Variants in AHNAK observed in about 807,000 individuals in gnomAD.
AHNAK encodes the protein AHNAK nucleoprotein.
A neutral mutation model predicts 37.8 loss-of-function variants in AHNAK; 23 were observed. The observed-to-expected ratio is 0.61, with a 90% CI of 0.44 to 0.86. The LOEUF is 0.86. AHNAK is among the 40% of genes least tolerant of loss of function. The probability of loss-of-function intolerance (pLI) is 0.00; values close to 1 mark genes in which losing one functional copy is unlikely to be tolerated. For synonymous variants in AHNAK, 2,481 were observed against 2,636.3 expected (o/e 0.94, Z 1.80); for missense variants, 7,411 against 7,319.4 (o/e 1.01, Z -0.46).
intron 5 of AHNAK, chr11:62,433,929 C>G (rs756965451): frequency 1.2e-6 from 2 of 1,605,072 alleles, no homozygotes; most frequent in East Asian, 2.2e-5. Flanking sequence ...ATTCAACACA[C>G]TATTTGCATC....
At position 62,540,495 on chromosome 11, in the gene AHNAK, C is replaced by T. The variant is rs115246150; in HGVS notation, c.-99-3928G>A. 2.7e-3 allele frequency among the ~76,000 whole-genome samples: 418 copies of T among 152,236 alleles called. 1 individual carries two copies. Among genetic ancestry groups the T allele is most frequent in the African/African-American group, 9.6e-3 (398 of 41,530 alleles). On this transcript the variant is annotated intron_variant, in intron 1 of 4. Transcript: ENST00000378024. ...GCACACAGCCCGGTGGTCCACCCAA[C>T]AGCCTCCCTCGTGATAGCAAGAAGC...
chr11:62,527,068 G>C lies in AHNAK; in HGVS notation c.7349C>G (p.Ala2450Gly). 6.2e-7 allele frequency: 1 copy of C among 1,614,094 alleles called. No individual in the cohort carries two copies. The highest frequency in any genetic ancestry group is 1.1e-5 in the South Asian group (1 of 91,072). ...KFKMPDMHFK[A>G]PNISMPDVDL... ...AACATCAGGCATAGAAATATTGGGGGCTTTGAAATGCATATCAGGCATCTT... is the reference window on the plus strand; with the variant it reads ...AACATCAGGCATAGAAATATTGGGGCCTTTGAAATGCATATCAGGCATCTT... The change falls in exon 5 of 5, where the codon GCC becomes GGC. Residue 2450 changes from alanine (A) to glycine (G), a missense_variant. Ala to Gly is a moderately conservative substitution (Grantham distance 60). Coordinates refer to ENST00000378024, the MANE Select transcript of AHNAK (RefSeq NM_001620.3).
Position 62,523,992 on chromosome 11 carries a change from G to A in AHNAK, c.10425C>T (p.Pro3475=). ...VHGPDWNLKM[P]KMKMPKFSVS... ...CACTGAATTTGGGCATTTTCATCTT[G>A]GGCATTTTCAGATTCCAGTCTGGAC... The change falls in exon 5 of 5, where the codon CCC becomes CCT. Residue 3475 remains proline, a synonymous_variant. Transcript: ENST00000378024. 1 of 1,613,948 alleles carries A rather than the reference G, an allele frequency of 6.2e-7. No homozygotes were observed. Among genetic ancestry groups the A allele is most frequent in the Middle Eastern group, 1.7e-4 (1 of 6,060 alleles).
At position 62,532,701 on chromosome 11, in the gene AHNAK, T is replaced by C; in HGVS notation, c.1716A>G (p.Ser572=). The C allele has an allele frequency of 6.2e-7, 1 of 1,614,022 alleles. No individual in the cohort carries two copies. Among genetic ancestry groups the C allele is most frequent in the East Asian group, 2.2e-5 (1 of 44,878 alleles). Residue 572 remains serine, a synonymous_variant, in exon 5 of 5, where the codon TCA becomes TCG. Transcript: ENST00000378024. ...GKTGTCRISM[S]EVDLNVAAPK... The stretch of plus-strand genomic sequence containing the variant: ...GTGCGGCCACATTTAAGTCTACTTC[T>C]GACATAGAGATCCTACAGGTTCCGG...
Position 62,526,416 on chromosome 11 carries a change from A to G in AHNAK, c.8001T>C (p.Ile2667=). The G allele has an allele frequency of 2.5e-6, 4 of 1,610,070 alleles. No homozygotes were observed. The highest frequency in any genetic ancestry group is 2.5e-6 in the Non-Finnish European group (3 of 1,179,062). The stretch of plus-strand genomic sequence containing the variant: ...TGTCCACTTTGGGTCCTGAGACATC[A>G]ATGTCAGCCTTGGGCAGCTTCACAT... ...DGDVKLPKAD[I]DVSGPKVDIE... Residue 2667 remains isoleucine, a synonymous_variant, in exon 5 of 5, where the codon ATT becomes ATC. Transcript: ENST00000378024.
In AHNAK at chr11:62,525,421, A is replaced by C. The variant is rs1257353968; in HGVS notation, c.8996T>G (p.Ile2999Ser). Residue 2999 changes from isoleucine (I) to serine (S), a missense_variant, in exon 5 of 5, where the codon ATC (isoleucine) becomes AGC (serine). Ile to Ser is a moderately radical substitution (Grantham distance 142). Transcript: ENST00000378024. ...ATCAATGTCCACTTGGGGACCCCTG[A>C]TGTCAACTTCAGGGCCCTTGAGGTC... Reference protein sequence around the residue: ...EGDLKGPEVDIRGPQVDIDVP... With the variant: ...EGDLKGPEVDSRGPQVDIDVP... The C allele has an allele frequency of 1.2e-6, 2 of 1,613,510 alleles. No individual in the cohort carries two copies. The highest frequency in any genetic ancestry group is 2.2e-5 in the South Asian group (2 of 91,050).
At position 62,521,493 on chromosome 11, in the gene AHNAK, A is replaced by G. The variant is rs375181293; in HGVS notation, c.12924T>C (p.His4308=). ...GCATCTTCAGGTGCCAGTCTGGGCC[A>G]TGAACATCTACATCAGGGGCATCGA... is the stretch of plus-strand genomic sequence containing the variant. ...VDIDAPDVDV[H]GPDWHLKMPK... Residue 4308 remains histidine (H), a synonymous_variant, in exon 5 of 5, where the codon CAT becomes CAC. Coordinates refer to ENST00000378024, the MANE Select transcript of AHNAK (RefSeq NM_001620.3). The G allele has an allele frequency of 5.6e-6, 9 of 1,598,476 alleles. No homozygotes were observed. The highest frequency in any genetic ancestry group is 1.7e-4 in the Middle Eastern group (1 of 5,982).
rs1362190736 is a variant in AHNAK at position 62,518,111 on chromosome 11, G to C, written c.16306C>G (p.Pro5436Ala). ...CCTTTCAGGTTCACATCCACACCTG[G>C]CCCCTTCAGTTCGCCAGAAACCTGT... ...GPQVSGELKG[P>A]GVDVNLKGPR... Residue 5436 changes from proline (P) to alanine (A), a missense_variant, in exon 5 of 5, where the codon CCA (proline) becomes GCA (alanine). Transcript: ENST00000378024. 6.2e-7 allele frequency: 1 copy of C among 1,614,176 alleles called. No homozygotes were observed.
intron 5 of AHNAK, among the ~76,000 whole-genome samples, chr11:62,460,195 G>A (rs1390207484): frequency 2.6e-5 from 4 of 152,014 alleles, no homozygotes; most frequent in Admixed American, 2.6e-4. Context: ...GCTGAGGCAC[G>A]AGACTCGCTT....
rs987432414 is a variant in AHNAK, at chr11:62,478,621, G to A, written c.442+13111C>T. Among the ~76,000 whole-genome samples, 9 of 151,776 alleles carry A rather than the reference G, an allele frequency of 5.9e-5. No homozygotes were observed. In the South Asian group the frequency reaches 1.0e-3, roughly 18 times the overall value. ...AAATTAGCTGGGCATGGTGGCACAC[G>A]CCTGTGGTCCTAGCTACTCAGGAGA... On this transcript the variant is annotated intron_variant, in intron 5 of 5. Transcript: ENST00000257247.
intron 5 of AHNAK, among the ~76,000 whole-genome samples, chr11:62,445,147 C>T (rs1486926994): frequency 1.3e-5 from 2 of 152,196 alleles, no homozygotes; most frequent in Non-Finnish European, 2.9e-5. Flanking sequence ...CCTGGCCACA[C>T]GTGACCCAGT....
intron 4 of AHNAK, among the ~76,000 whole-genome samples, chr11:62,494,116 G>A (rs1264183705): frequency 6.6e-6 from 1 of 152,012 alleles, no homozygotes. Flanking sequence ...TCTAACAATC[G>A]ATGGCATGAA....
At chr11:62,515,432 G>A (rs567282086), downstream of AHNAK, among the ~76,000 whole-genome samples, 219 of 152,306 alleles carry the variant, frequency 1.4e-3, 1 homozygote, top group African/African-American at 5.0e-3. Flanking sequence ...CAGGAAAATC[G>A]CTTGAACCCA....
chr11:62,533,241 C>T lies in AHNAK; in HGVS notation c.1176G>A (p.Gln392=), dbSNP rs114187073. Residue 392 remains glutamine, a synonymous_variant, in exon 5 of 5, where the codon CAG becomes CAA. Transcript: ENST00000378024. The part of the protein sequence containing the change: ...GDLGLKGAKP[Q]GHIGVDASAP... ...CAGAGGCATCCACCCCAATGTGCCC[C>T]TGTGGCTTGGCACCTTTCAGGCCTA... 2,383 of 1,525,982 alleles carry T rather than the reference C, an allele frequency of 1.6e-3. 40 individuals carry two copies. The African/African-American group carries it at 0.03, about 19-fold the overall frequency. 94.5% of individuals were successfully genotyped at this position (1,525,982 alleles called of 1,614,324 possible).
intron 5 of AHNAK, among the ~76,000 whole-genome samples, chr11:62,457,644 G>C (rs184400151): frequency 2.6e-5 from 4 of 151,924 alleles, no homozygotes; most frequent in Non-Finnish European, 4.4e-5. Context: ...CAAAAAAAAA[G>C]GAACGAAAAG....
chr11:62,541,695 C>T (rs956427484), intron 1 of AHNAK, among the ~76,000 whole-genome samples: 4 of 152,170 alleles, frequency 2.6e-5, no homozygotes, highest in Non-Finnish European at 5.9e-5. Flanking sequence ...CATTCAACTC[C>T]CAAATGATGA....
chr11:62,493,585 C>T (rs536447258), intron 4 of AHNAK, among the ~76,000 whole-genome samples: 2 of 151,158 alleles, frequency 1.3e-5, no homozygotes, highest in South Asian at 2.1e-4. Flanking sequence ...CCACTCACCT[C>T]GGCCTCCCAA....
At chr11:62,494,948 C>A (rs1228317429) in intron 4 of AHNAK, among the ~76,000 whole-genome samples, 3 of 147,798 alleles carry the variant, frequency 2.0e-5, no homozygotes, top group African/African-American at 7.7e-5. Flanking sequence ...TGCAGTGAGC[C>A]AAGATTGAGC....
intron 5 of AHNAK, among the ~76,000 whole-genome samples, chr11:62,456,259 T>C (rs1938656730): frequency 6.6e-6 from 1 of 152,162 alleles, no homozygotes; most frequent in African/African-American, 2.4e-5. Flanking sequence ...CTGTATTATT[T>C]ATGTTACAGC....
Sources: allele counts gnomAD v4.1 joint callset (sites outside exome capture counted in the v4.1 genomes callset), GRCh38; gene constraint gnomAD v4.1.1; transcripts MANE v1.5; gene names NCBI Gene and HGNC (gene_info 2026-07-23, HGNC 2026-07-21).